The following CDKN2B variants were observed in gnomAD, a reference collection of about 807,000 sequenced individuals.
CDKN2B encodes the protein cyclin dependent kinase inhibitor 2B.
CDKN2B carries 8 observed loss-of-function variants against 7.7 expected under a neutral mutation model. The ratio of observed to expected loss-of-function variants is 1.04; its 90% CI spans 0.61 to 1.87. The LOEUF is 1.87. CDKN2B is among the 40% of genes most tolerant of loss of function. The pLI is 0.00. For synonymous variants in CDKN2B, 93 were observed against 95.8 expected, an observed-to-expected ratio of 0.97 and a Z score of 0.17; for missense variants, 244 against 213.1, an observed-to-expected ratio of 1.15 and a Z score of -0.90.
At chr9:22,008,354 C>CA (rs1198709208) in intron 1 of CDKN2B, among the ~76,000 whole-genome samples, 29 of 152,282 alleles carry the variant, frequency 1.9e-4, no homozygotes. Flanking sequence ...AACAATACAA[C>CA]AGATTTCATA....
In CDKN2B at chr9:22,008,943, T is replaced by C; in HGVS notation, c.11A>G (p.Glu4Gly). The C allele has an allele frequency of 3.1e-6, 5 of 1,613,032 alleles. 1 individual carries two copies. The highest frequency in any genetic ancestry group is 4.2e-6 in the Non-Finnish European group (5 of 1,179,948). Reference sequence around the variant, plus strand: ...GCCCCCACTGGGCATGCCCTTGTTCTCCTCGCGCATTCCGCAGCCCCCAGA... The same window carrying C: ...GCCCCCACTGGGCATGCCCTTGTTCCCCTCGCGCATTCCGCAGCCCCCAGA... MRE[E>G]NKGMPSGGGS... Residue 4 changes from glutamate (E) to glycine (G), a missense_variant, in exon 1 of 2, where the codon GAG becomes GGG. Coordinates refer to ENST00000276925, the MANE Select transcript of CDKN2B (RefSeq NM_004936.4).
At chr9:22,007,244 C>T (rs1821233328) in intron 1 of CDKN2B, among the ~76,000 whole-genome samples, 2 of 152,222 alleles carry the variant, frequency 1.3e-5, no homozygotes, top group South Asian at 4.1e-4. Context: ...TGCCTGTAGT[C>T]CCAGCAACTC....
intron 1 of CDKN2B, among the ~76,000 whole-genome samples, chr9:22,007,985 A>C (rs1275806047): frequency 1.3e-5 from 2 of 152,186 alleles, no homozygotes; most frequent in African/African-American, 2.4e-5. Context: ...GTGAGTACTG[A>C]ATATGACCAC....
In CDKN2B at chr9:22,004,957, A is replaced by G. The variant is rs1281053254; in HGVS notation, c.*1030T>C. 1.7e-5 allele frequency: 4 copies of G among 233,222 alleles called. No homozygotes were observed. The highest frequency in any genetic ancestry group is 3.4e-5 in the Non-Finnish European group (4 of 118,062). The allele number at this position is 233,222 out of a possible 1,614,324, so 14.4% of individuals were successfully genotyped here. Reference sequence around the variant, plus strand: ...TGCAACAGTGCCATTGCTACATTTAAGAGCTGTAGTTCTTCCTCACATTTT... The same window carrying G: ...TGCAACAGTGCCATTGCTACATTTAGGAGCTGTAGTTCTTCCTCACATTTT... On this transcript the variant is annotated 3_prime_UTR_variant, in exon 2 of 2. Coordinates refer to ENST00000276925, the MANE Select transcript of CDKN2B (RefSeq NM_004936.4).
chr9:22,003,361 A>G lies in CDKN2B; in HGVS notation c.*2626T>C, dbSNP rs1202398085. On this transcript the variant is annotated 3_prime_UTR_variant, in exon 2 of 2. Transcript: ENST00000276925. ...AATAACATTTTCTTTAGTTTCCCTT[A>G]ATATCAGGTTGTCATTAGGAAAGAT... 1 of 224,698 alleles carries G rather than the reference A, an allele frequency of 4.5e-6. No homozygotes were observed. Among genetic ancestry groups the G allele is most frequent in the Non-Finnish European group, 8.9e-6 (1 of 112,950 alleles). 13.9% of individuals were successfully genotyped at this position (224,698 alleles called of 1,614,324 possible). A position where few individuals can be genotyped will look rare whatever the true frequency, so the allele number is the denominator to read the frequency against.
intron 1 of CDKN2B, among the ~76,000 whole-genome samples, chr9:22,007,966 GAT>G (rs1318647544): frequency 6.6e-6 from 1 of 152,158 alleles, no homozygotes; most frequent in Non-Finnish European, 1.5e-5. Context: ...TTTAGAGGGT[GAT>G]AGTGAGGTGA....
chr9:22,006,189 G>C lies in CDKN2B; in HGVS notation c.215C>G (p.Pro72Arg). ...AELLLLHGAE[P>R]NCADPATLTR... ...GAGAGTGGCAGGGTCTGCGCAGTTG[G>C]GCTCCGCGCCGTGGAGCAGCAGCAG... Residue 72 changes from proline (P) to arginine (R), a missense_variant, in exon 2 of 2, where the codon CCC (proline) becomes CGC (arginine). Physicochemically the swap from Pro to Arg is moderately radical, Grantham distance 103. Coordinates refer to ENST00000276925, the MANE Select transcript of CDKN2B (RefSeq NM_004936.4). The surrounding 1 kb of genome is among the most constrained non-coding windows in gnomAD (Gnocchi z 6.4). 6.2e-7 allele frequency: 1 copy of C among 1,609,254 alleles called. No homozygotes were observed. Among genetic ancestry groups the C allele is most frequent in the Non-Finnish European group, 8.5e-7 (1 of 1,179,790 alleles).
chr9:22,008,971 C>T lies in CDKN2B; in HGVS notation c.-18G>A, dbSNP rs753272006. ...TCGCGCATTCCGCAGCCCCCAGACG[C>T]GCAGCGGCCCGGATAATCCACCGTT... On this transcript the variant is annotated 5_prime_UTR_variant, in exon 1 of 2. Coordinates refer to ENST00000276925, the MANE Select transcript of CDKN2B (RefSeq NM_004936.4). 4 of 1,613,152 alleles carry T rather than the reference C, an allele frequency of 2.5e-6. No individual in the cohort carries two copies. In the African/African-American group the frequency reaches 4.0e-5, roughly 16 times the overall value.
rs1821344237 is a variant in CDKN2B at position 22,008,935 on chromosome 9, C to G, written c.19G>C (p.Gly7Arg). Residue 7 changes from glycine (G) to arginine (R), a missense_variant, in exon 1 of 2, where the codon GGC becomes CGC. Coordinates refer to ENST00000276925, the MANE Select transcript of CDKN2B (RefSeq NM_004936.4). MREENK[G>R]MPSGGGSDEG... Reference sequence around the variant, plus strand: ...TCGCTGCCGCCCCCACTGGGCATGCCCTTGTTCTCCTCGCGCATTCCGCAG... The same window carrying G: ...TCGCTGCCGCCCCCACTGGGCATGCGCTTGTTCTCCTCGCGCATTCCGCAG... The G allele has an allele frequency of 6.2e-7, 1 of 1,612,920 alleles. No individual in the cohort carries two copies. Among genetic ancestry groups the G allele is most frequent in the African/African-American group, 1.3e-5 (1 of 74,948 alleles).
In CDKN2B at chr9:22,006,179, T is replaced by G; in HGVS notation, c.225A>C (p.Ala75=). 1 of 1,609,908 alleles carries G rather than the reference T, an allele frequency of 6.2e-7. No homozygotes were observed. The highest frequency in any genetic ancestry group is 1.3e-5 in the African/African-American group (1 of 75,044). ...CCGGTCGGGTGAGAGTGGCAGGGTC[T>G]GCGCAGTTGGGCTCCGCGCCGTGGA... ...LLLHGAEPNC[A]DPATLTRPVH... is the part of the protein sequence containing the mutation. The change falls in exon 2 of 2, where the codon GCA becomes GCC. Residue 75 remains alanine, a synonymous_variant. Transcript: ENST00000276925. This position sits in a 1 kb window ranked among gnomAD's most constrained non-coding sequence, Gnocchi z 6.4.
rs1422860897 is a variant in CDKN2B, at chr9:22,007,307, T to C, written c.157-1060A>G. 3.3e-5 allele frequency among the ~76,000 whole-genome samples: 5 copies of C among 152,090 alleles called. No individual in the cohort carries two copies. The East Asian group carries it at 7.7e-4, about 23-fold the overall frequency. ...CATCCTGGAAGAGGTTGCAGTGAGC[T>C]GAGATTGTGCCACTGCACTCCAGCC... is the stretch of plus-strand genomic sequence containing the variant. On this transcript the variant is annotated intron_variant, in intron 1 of 1. Coordinates refer to ENST00000276925, the MANE Select transcript of CDKN2B (RefSeq NM_004936.4).
chr9:22,005,616 C>T lies in CDKN2B; in HGVS notation c.*371G>A, dbSNP rs1178426426. On this transcript the variant is annotated 3_prime_UTR_variant, in exon 2 of 2. Coordinates refer to ENST00000276925, the MANE Select transcript of CDKN2B (RefSeq NM_004936.4). This position sits in a 1 kb window ranked among gnomAD's most constrained non-coding sequence, Gnocchi z 4.9. Reference sequence around the variant, plus strand: ...AATCACTGCCTTCTCCCACTCAGCGCTGGAGTGGGAGATTCATCCATCGGA... The same window carrying T: ...AATCACTGCCTTCTCCCACTCAGCGTTGGAGTGGGAGATTCATCCATCGGA... The T allele has an allele frequency of 4.5e-6, 2 of 447,492 alleles. No individual in the cohort carries two copies. Among genetic ancestry groups the T allele is most frequent in the Non-Finnish European group, 8.3e-6 (2 of 240,688 alleles). The allele number at this position is 447,492 out of a possible 1,614,324, so 27.7% of individuals were successfully genotyped here. A position where few individuals can be genotyped will look rare whatever the true frequency, so the allele number is the denominator to read the frequency against.
intron 1 of CDKN2B, 73 bp downstream of exon 1, chr9:22,008,725 C>T (rs2131189343): frequency 6.2e-7 from 1 of 1,610,952 alleles, no homozygotes; most frequent in South Asian, 1.1e-5. Flanking sequence ...ATCTAGGTTC[C>T]AGCCCCGATC....
In CDKN2B at chr9:22,003,894, A is replaced by T; in HGVS notation, c.*2093T>A. 1 of 232,492 alleles carries T rather than the reference A, an allele frequency of 4.3e-6. No homozygotes were observed. The highest frequency in any genetic ancestry group is 8.5e-6 in the Non-Finnish European group (1 of 117,610). The allele number at this position is 232,492 out of a possible 1,614,324, so 14.4% of individuals were successfully genotyped here. On this transcript the variant is annotated 3_prime_UTR_variant, in exon 2 of 2. Transcript: ENST00000276925. The stretch of plus-strand genomic sequence containing the variant: ...TGTATTTCTGCTTTTTTTTAAAAAA[A>T]GTTATCTTCATGTGTATCATTCATG...
In CDKN2B at chr9:22,009,147, G is replaced by T; in HGVS notation, c.-194C>A. The T allele has an allele frequency of 1.4e-6, 1 of 728,622 alleles. No homozygotes were observed. The allele number at this position is 728,622 out of a possible 1,614,324, so 45.1% of individuals were successfully genotyped here. On this transcript the variant is annotated 5_prime_UTR_variant, in exon 1 of 2. Transcript: ENST00000276925. ...GCAGTGGCCGAGCGGCCGGTCGTTA[G>T]CTCCGGGCTTTTCCTGGCGCTCAAG...
rs1371257447 is a variant in CDKN2B, at chr9:22,003,104, G to C, written c.*2883C>G. ...ATATGTTTTGCATGTATCCTTCAAA[G>C]TGAAATCCTTAACAAATTTAACAGT... is the stretch of plus-strand genomic sequence containing the variant. On this transcript the variant is annotated 3_prime_UTR_variant, in exon 2 of 2. Transcript: ENST00000276925. 9.4e-6 allele frequency: 2 copies of C among 213,866 alleles called. No individual in the cohort carries two copies. The highest frequency in any genetic ancestry group is 1.9e-5 in the Non-Finnish European group (2 of 106,022). 13.2% of individuals were successfully genotyped at this position (213,866 alleles called of 1,614,324 possible).
intron 1 of CDKN2B, 92 bp downstream of exon 1, chr9:22,008,706 A>G (rs1161451375): frequency 6.2e-7 from 1 of 1,611,522 alleles, no homozygotes; most frequent in Non-Finnish European, 8.5e-7. Context: ...GTACAAATCT[A>G]CATCGGCGAT....
chr9:22,005,188 C>G lies in CDKN2B; in HGVS notation c.*799G>C, dbSNP rs1442434014. On this transcript the variant is annotated 3_prime_UTR_variant, in exon 2 of 2. Transcript: ENST00000276925. The surrounding 1 kb of genome is among the most constrained non-coding windows in gnomAD (Gnocchi z 4.9). Reference sequence around the variant, plus strand: ...CCGTTACAATTGCTCTCACTCCACTCCACCACCTCATCCTGTGTAGTCTGC... The same window carrying G: ...CCGTTACAATTGCTCTCACTCCACTGCACCACCTCATCCTGTGTAGTCTGC... 1 of 233,388 alleles carries G rather than the reference C, an allele frequency of 4.3e-6. No homozygotes were observed. The highest frequency in any genetic ancestry group is 8.4e-6 in the Non-Finnish European group (1 of 118,370). The allele number at this position is 233,388 out of a possible 1,614,324, so 14.5% of individuals were successfully genotyped here.
chr9:22,008,169 G>T (rs757921635), intron 1 of CDKN2B, among the ~76,000 whole-genome samples: 3 of 152,156 alleles, frequency 2.0e-5, no homozygotes, highest in East Asian at 1.9e-4. Context: ...CCTAACAGTT[G>T]CTGCAGGAAT....
Sources: allele counts gnomAD v4.1 joint callset (sites outside exome capture counted in the v4.1 genomes callset), GRCh38; gene constraint gnomAD v4.1.1; non-coding constraint Gnocchi (gnomAD v3.1); transcripts MANE v1.5; gene names NCBI Gene and HGNC (gene_info 2026-07-23, HGNC 2026-07-21).